The following MORN5 variants were observed in gnomAD, a reference collection of about 807,000 sequenced individuals.
The protein encoded by MORN5 is MORN repeat containing 5, also known as MORN repeat-containing protein 5.
In MORN5, 21 loss-of-function variants were observed where a neutral mutation model predicts 22.1. The ratio of observed to expected loss-of-function variants is 0.95; its 90% CI spans 0.67 to 1.37. MORN5 has a LOEUF of 1.37. Ranked by LOEUF, MORN5 falls within the 40% of genes most tolerant of loss-of-function variation. MORN5 has a pLI of 0.00. For missense variants in MORN5, 211 were observed against 215.1 expected (o/e 0.98, Z 0.12); for synonymous variants, 73 against 74.0 (o/e 0.99, Z 0.07).
At chr9:122,175,640 G>C in intron 4 of MORN5, 1 of 985,260 alleles carries the variant, frequency 1.0e-6, no homozygotes, top group Non-Finnish European at 1.2e-6. Context: ...TTTGCAGATA[G>C]TCTTAAGGGG....
At chr9:122,183,054 G>A (rs1043966949) in intron 4 of MORN5, among the ~76,000 whole-genome samples, 5 of 152,242 alleles carry the variant, frequency 3.3e-5, no homozygotes, top group African/African-American at 1.2e-4. Flanking sequence ...CTGGCACCCA[G>A]TGGGAGCTCA....
intron 4 of MORN5, among the ~76,000 whole-genome samples, chr9:122,183,742 A>G (rs7869304): frequency 0.72 from 109,108 of 152,102 alleles, 39,625 homozygotes; most frequent in Middle Eastern, 0.77. Flanking sequence ...TTCAAACAGC[A>G]TATAATTCCC....
intron 4 of MORN5, among the ~76,000 whole-genome samples, chr9:122,180,179 G>A (rs966452905): frequency 4.6e-5 from 7 of 151,730 alleles, no homozygotes; most frequent in African/African-American, 9.7e-5. Context: ...TCAAACCTTC[G>A]ACCCGCAGTA....
chr9:122,190,480 T>A (rs1350794779), intron 4 of MORN5, among the ~76,000 whole-genome samples: 1 of 152,262 alleles, frequency 6.6e-6, no homozygotes, highest in African/African-American at 2.4e-5. Context: ...ATTTCTAAAT[T>A]TAATAATTAA....
chr9:122,166,184 C>T (rs112519222), intron 1 of MORN5, among the ~76,000 whole-genome samples: 1,914 of 152,194 alleles, frequency 0.013, 47 homozygotes, highest in African/African-American at 0.044. Flanking sequence ...AGTTACCTCC[C>T]ACTGAGTCCC....
chr9:122,187,760 A>G (rs1829668033), intron 4 of MORN5, among the ~76,000 whole-genome samples: 1 of 152,392 alleles, frequency 6.6e-6, no homozygotes, highest in African/African-American at 2.4e-5. Context: ...TAAATATCAA[A>G]TATGAGATTC....
intron 1 of MORN5, among the ~76,000 whole-genome samples, chr9:122,164,838 G>T (rs1829252348): frequency 6.6e-6 from 1 of 152,164 alleles, no homozygotes; most frequent in African/African-American, 2.4e-5. Context: ...TCTATGCCGG[G>T]CATTCTGCTA....
chr9:122,163,287 C>T (rs1438508565), intron 1 of MORN5, among the ~76,000 whole-genome samples: 1 of 152,136 alleles, frequency 6.6e-6, no homozygotes, highest in East Asian at 1.9e-4. Flanking sequence ...ATATCATTAT[C>T]CTATTTTACA....
At chr9:122,180,741 C>T (rs1479723392) in intron 4 of MORN5, among the ~76,000 whole-genome samples, 4 of 152,198 alleles carry the variant, frequency 2.6e-5, no homozygotes, top group Non-Finnish European at 5.9e-5. Context: ...ACTGCTTTGC[C>T]TGGGTTGGGC....
chr9:122,184,377 C>T (rs746727907), intron 4 of MORN5, among the ~76,000 whole-genome samples: 1 of 152,206 alleles, frequency 6.6e-6, no homozygotes, highest in Non-Finnish European at 1.5e-5. Context: ...TTAAGCCGCA[C>T]AGTGAACACC....
intron 4 of MORN5, among the ~76,000 whole-genome samples, chr9:122,187,233 C>G (rs184346995): frequency 2.3e-4 from 35 of 152,380 alleles, no homozygotes; most frequent in Admixed American, 1.9e-3. Flanking sequence ...GCCTCCTTAA[C>G]TCCACATCCC....
intron 4 of MORN5, among the ~76,000 whole-genome samples, chr9:122,183,914 C>G (rs1363583072): frequency 6.6e-6 from 1 of 152,164 alleles, no homozygotes; most frequent in Non-Finnish European, 1.5e-5. Context: ...GGGTTCCAGA[C>G]AGAATTTAAA....
At chr9:122,177,170 G>A (rs1004403458) in intron 4 of MORN5, among the ~76,000 whole-genome samples, 1 of 152,246 alleles carries the variant, frequency 6.6e-6, no homozygotes, top group Non-Finnish European at 1.5e-5. Flanking sequence ...CTCTGGCGGG[G>A]GAGCACTGCC....
At chr9:122,186,164 T>C (rs796367155) in intron 4 of MORN5, among the ~76,000 whole-genome samples, 7 of 152,306 alleles carry the variant, frequency 4.6e-5, no homozygotes, top group African/African-American at 1.7e-4. Flanking sequence ...AAGAAAGTTA[T>C]GAGTATTGAA....
At chr9:122,191,739 G>A (rs1048967557) in intron 4 of MORN5, among the ~76,000 whole-genome samples, 4 of 152,246 alleles carry the variant, frequency 2.6e-5, no homozygotes, top group Non-Finnish European at 5.9e-5. Flanking sequence ...ACCCCAATCC[G>A]CCTGCTTGCC....
intron 1 of MORN5, among the ~76,000 whole-genome samples, chr9:122,161,536 CCA>C (rs1829199160): frequency 6.6e-6 from 1 of 152,092 alleles, no homozygotes; most frequent in Non-Finnish European, 1.5e-5. Flanking sequence ...AATGACTGGC[CCA>C]CCATTATGGA....
intron 4 of MORN5, among the ~76,000 whole-genome samples, chr9:122,177,583 C>T (rs1829471870): frequency 6.6e-6 from 1 of 152,192 alleles, no homozygotes; most frequent in African/African-American, 2.4e-5. Flanking sequence ...CAGGCACCTG[C>T]CACCATGCCC....
rs185107507 is a variant in MORN5, at chr9:122,197,129, G to A, written c.440-2756G>A. Among the ~76,000 whole-genome samples the A allele has an allele frequency of 2.0e-5, 3 of 152,218 alleles. No homozygotes were observed. The highest frequency in any genetic ancestry group is 1.3e-4 in the Admixed American group (2 of 15,288). ...AATAGTGTCCCAGAGTGGAATTACC[G>A]GGCCAACAGGGACCAAAAATTTTTA... On this transcript the variant is annotated intron_variant, in intron 4 of 4. Coordinates refer to ENST00000373764, the MANE Select transcript of MORN5 (RefSeq NM_198469.4). The surrounding 1 kb of genome is among the most constrained non-coding windows in gnomAD (Gnocchi z 5.7).
At chr9:122,176,510 G>A (rs1829453240) in intron 4 of MORN5, among the ~76,000 whole-genome samples, 1 of 152,076 alleles carries the variant, frequency 6.6e-6, no homozygotes, top group South Asian at 2.1e-4. Flanking sequence ...CTTAATATCT[G>A]TCTCTCCCAC....
Sources: gnomAD v4.1 joint callset for allele counts (sites outside exome capture counted in the v4.1 genomes callset) on GRCh38, gnomAD v4.1.1 for gene constraint, Gnocchi (gnomAD v3.1) non-coding constraint, MANE v1.5 for transcripts, NCBI Gene and HGNC (gene_info 2026-07-23, HGNC 2026-07-21) for gene names.